The following PDGFD variants were observed in gnomAD, a reference collection of about 807,000 sequenced individuals.
PDGFD encodes the protein platelet derived growth factor D.
Under a neutral mutation model 44.7 loss-of-function variants are expected in PDGFD, and 30 were observed. That is an observed-to-expected ratio of 0.67 (90% CI 0.50 to 0.91). PDGFD has a LOEUF of 0.91. PDGFD is among the 40% of genes least tolerant of loss of function. The probability of loss-of-function intolerance (pLI) is 0.00; values close to 1 mark genes in which losing one functional copy is unlikely to be tolerated. For missense variants in PDGFD, 445 were observed against 457.8 expected, an observed-to-expected ratio of 0.97 and a Z score of 0.25; for synonymous variants, 173 against 168.4, an observed-to-expected ratio of 1.03 and a Z score of -0.21.
At chr11:103,922,630 A>T (rs1591077504) in intron 6 of PDGFD, among the ~76,000 whole-genome samples, 1 of 152,090 alleles carries the variant, frequency 6.6e-6, no homozygotes, top group Non-Finnish European at 1.5e-5. Flanking sequence ...TTCTGCTGCA[A>T]CCTTGAACTC....
intron 1 of PDGFD, chr11:104,038,168 C>T: frequency 1.9e-5 from 14 of 749,032 alleles, no homozygotes; most frequent in Non-Finnish European, 3.0e-5. Flanking sequence ...AACGTCAATC[C>T]TGATTCCTTG....
At chr11:104,102,198 C>T (rs1861395315) in intron 1 of PDGFD, among the ~76,000 whole-genome samples, 1 of 152,024 alleles carries the variant, frequency 6.6e-6, no homozygotes, top group African/African-American at 2.4e-5. Flanking sequence ...GGCTAATATC[C>T]AGAATCTACA....
At chr11:104,122,519 A>G (rs1207506629) in intron 1 of PDGFD, among the ~76,000 whole-genome samples, 1 of 151,846 alleles carries the variant, frequency 6.6e-6, no homozygotes, top group Non-Finnish European at 1.5e-5. Context: ...AGAACCAGCA[A>G]CCCATTTCTC....
intron 1 of PDGFD, among the ~76,000 whole-genome samples, chr11:104,148,895 AC>A (rs1197956942): frequency 6.6e-6 from 1 of 152,076 alleles, no homozygotes; most frequent in Admixed American, 6.6e-5. Flanking sequence ...CTCCAGCTTT[AC>A]CCACGTCTCT....
chr11:104,038,344 G>C (rs1482046518), intron 1 of PDGFD: 1 of 235,844 alleles, frequency 4.2e-6, no homozygotes, highest in South Asian at 1.2e-4. Context: ...CCAAATCATT[G>C]CTATTTTGCA....
chr11:104,083,016 T>G (rs897739307), intron 1 of PDGFD, among the ~76,000 whole-genome samples: 1 of 152,210 alleles, frequency 6.6e-6, no homozygotes, highest in Non-Finnish European at 1.5e-5. Flanking sequence ...TCAGGTTTAC[T>G]GCGAAAATCT....
intron 1 of PDGFD, among the ~76,000 whole-genome samples, chr11:104,005,053 AT>A (rs1859680428): frequency 6.6e-6 from 1 of 151,808 alleles, no homozygotes; most frequent in Admixed American, 6.6e-5. Context: ...TAATTTTTGT[AT>A]TTTTAATAGA....
At chr11:104,084,853 TA>T (rs1861105970) in intron 1 of PDGFD, among the ~76,000 whole-genome samples, 1 of 146,464 alleles carries the variant, frequency 6.8e-6, no homozygotes, top group African/African-American at 2.5e-5. Flanking sequence ...GTATATATTT[TA>T]AAATATAATA....
intron 1 of PDGFD, among the ~76,000 whole-genome samples, chr11:104,054,570 C>T (rs746247732): frequency 6.6e-5 from 10 of 152,202 alleles, no homozygotes; most frequent in East Asian, 3.9e-4. Flanking sequence ...TTTAGCATCA[C>T]GTCGGCAAAG....
At chr11:103,978,864 G>A (rs2134349924) in intron 3 of PDGFD, among the ~76,000 whole-genome samples, 1 of 152,116 alleles carries the variant, frequency 6.6e-6, no homozygotes, top group Non-Finnish European at 1.5e-5. Flanking sequence ...TATTAAAATG[G>A]TAAAATGAGT....
intron 1 of PDGFD, among the ~76,000 whole-genome samples, chr11:104,109,520 G>A (rs758369972): frequency 3.3e-5 from 5 of 151,960 alleles, no homozygotes; most frequent in African/African-American, 7.2e-5. Flanking sequence ...AATATTGTAC[G>A]TAGGCTTTAT....
At chr11:103,989,944 T>A (rs1415360272) in intron 3 of PDGFD, among the ~76,000 whole-genome samples, 2 of 152,050 alleles carry the variant, frequency 1.3e-5, no homozygotes, top group Non-Finnish European at 2.9e-5. Context: ...TACTATAGAA[T>A]AATAATAATA....
intron 1 of PDGFD, among the ~76,000 whole-genome samples, chr11:104,100,467 A>G (rs1861359702): frequency 6.6e-6 from 1 of 152,198 alleles, no homozygotes; most frequent in Non-Finnish European, 1.5e-5. Context: ...TTGAGGCAAT[A>G]ATTAATAGCT....
At chr11:104,129,691 G>A (rs1466399736) in intron 1 of PDGFD, among the ~76,000 whole-genome samples, 2 of 152,090 alleles carry the variant, frequency 1.3e-5, no homozygotes, top group African/African-American at 2.4e-5. Context: ...GAGGTAGAGC[G>A]TGAAACACGA....
chr11:104,061,619 T>G (rs1860718645), intron 1 of PDGFD, among the ~76,000 whole-genome samples: 1 of 152,176 alleles, frequency 6.6e-6, no homozygotes, highest in Admixed American at 6.5e-5. Flanking sequence ...TTGTTTGTTT[T>G]CTGTTTCTTT....
intron 3 of PDGFD, among the ~76,000 whole-genome samples, chr11:103,969,205 G>A (rs910018166): frequency 1.3e-5 from 2 of 152,164 alleles, no homozygotes; most frequent in Admixed American, 6.6e-5. Flanking sequence ...CCTAGGGCAT[G>A]TTGTGACACA....
intron 1 of PDGFD, among the ~76,000 whole-genome samples, chr11:104,120,900 T>G (rs1259416250): frequency 6.6e-6 from 1 of 151,962 alleles, no homozygotes; most frequent in African/African-American, 2.4e-5. Context: ...AATGCAATAA[T>G]TAATATTTGG....
chr11:103,969,598 T>A (rs1591100258), intron 3 of PDGFD, among the ~76,000 whole-genome samples: 1 of 151,464 alleles, frequency 6.6e-6, no homozygotes, highest in African/African-American at 2.4e-5. Flanking sequence ...TAATATCTTC[T>A]CTATATTTTT....
chr11:104,006,687 GAGAGA>G (rs1282136858), intron 1 of PDGFD, among the ~76,000 whole-genome samples: 2 of 152,184 alleles, frequency 1.3e-5, no homozygotes, highest in Non-Finnish European at 2.9e-5. Context: ...CAGCGTGGCA[GAGAGA>G]AGAGAAGGAG....
Sources: allele counts gnomAD v4.1 joint callset (sites outside exome capture counted in the v4.1 genomes callset), GRCh38; gene constraint gnomAD v4.1.1; transcripts MANE v1.5; gene names NCBI Gene and HGNC (gene_info 2026-07-23, HGNC 2026-07-21).